GRM7: variants seen among roughly 807,000 people sequenced by gnomAD.
The protein encoded by GRM7 is metabotropic glutamate receptor 7.
In GRM7, 35 loss-of-function variants were observed where a neutral mutation model predicts 84.5. That is an observed-to-expected ratio of 0.41 (90% CI 0.32 to 0.55). The LOEUF is 0.55. Ranked by LOEUF, GRM7 falls within the 20% of genes least tolerant of loss-of-function variation. The pLI is 0.19. For synonymous variants in GRM7, 487 were observed against 455.1 expected (o/e 1.07, Z -0.89); for missense variants, 1,003 against 1,194.6 (o/e 0.84, Z 2.36).
At chr3:7,504,492 G>T (rs1699980291) in intron 7 of GRM7, among the ~76,000 whole-genome samples, 1 of 152,166 alleles carries the variant, frequency 6.6e-6, no homozygotes, top group Non-Finnish European at 1.5e-5. Context: ...ATAAAGAAAA[G>T]AAGTTTATTT....
At chr3:7,519,041 A>G (rs1200492896) in intron 7 of GRM7, among the ~76,000 whole-genome samples, 1 of 152,206 alleles carries the variant, frequency 6.6e-6, no homozygotes, top group Non-Finnish European at 1.5e-5. Context: ...TCAATTTTGC[A>G]TTTGAGGAAA....
At chr3:7,672,531 T>G (rs1699958927) in intron 8 of GRM7, among the ~76,000 whole-genome samples, 1 of 152,102 alleles carries the variant, frequency 6.6e-6, no homozygotes, top group Admixed American at 6.5e-5. Flanking sequence ...AACTGTCACC[T>G]GGGAACATAC....
rs556788229 is a variant in GRM7, at chr3:6,926,237, C to T, written c.519+64330C>T. On this transcript the variant is annotated intron_variant, in intron 1 of 9. Coordinates refer to ENST00000357716, the MANE Select transcript of GRM7 (RefSeq NM_000844.4). ...CTCATTAGCTAAAGACAAGCCCTTT[C>T]AGATTCTTTCATATCCATTGATCTA... Among the ~76,000 whole-genome samples, 7 of 152,312 alleles carry T rather than the reference C, an allele frequency of 4.6e-5. No homozygotes were observed. The East Asian group carries it at 5.8e-4, about 13-fold the overall frequency.
At chr3:7,484,001 C>T (rs1699230314) in intron 7 of GRM7, among the ~76,000 whole-genome samples, 1 of 151,962 alleles carries the variant, frequency 6.6e-6, no homozygotes, top group African/African-American at 2.4e-5. Flanking sequence ...ATTGAATATG[C>T]TTCTGTTAAA....
chr3:7,132,608 A>G (rs1339918323), intron 1 of GRM7, among the ~76,000 whole-genome samples: 2 of 152,242 alleles, frequency 1.3e-5, no homozygotes, highest in Admixed American at 1.3e-4. Context: ...GAAAGAAAGC[A>G]TAGCTTACCT....
intron 1 of GRM7, among the ~76,000 whole-genome samples, chr3:7,092,007 T>TTTTA (rs1698682077): frequency 6.6e-6 from 1 of 151,872 alleles, no homozygotes; most frequent in Admixed American, 6.6e-5. Flanking sequence ...TTATTTATTA[T>TTTTA]TTATTTATTT....
At chr3:7,147,633 T>G (rs1173575723) in intron 2 of GRM7, among the ~76,000 whole-genome samples, 2 of 152,116 alleles carry the variant, frequency 1.3e-5, no homozygotes, top group Admixed American at 1.3e-4. Context: ...ACAGATATAC[T>G]CAGAAATAAA....
In GRM7 at chr3:7,664,096, T is replaced by A. The variant is rs558675379; in HGVS notation, c.2452-15953T>A. ...ACACCCTATAATTACCCTGCCAAAC[T>A]TTCCAGAATCTACAAGGGTATGTAA... On this transcript the variant is annotated intron_variant, in intron 8 of 9. Transcript: ENST00000357716. Among the ~76,000 whole-genome samples, 63 of 152,298 alleles carry A rather than the reference T, an allele frequency of 4.1e-4. No individual in the cohort carries two copies. In the Middle Eastern group the frequency reaches 0.014, roughly 33 times the overall value.
chr3:7,104,552 T>C (rs1699232728), intron 1 of GRM7, among the ~76,000 whole-genome samples: 1 of 151,852 alleles, frequency 6.6e-6, no homozygotes, highest in South Asian at 2.1e-4. Context: ...CTTGGTGACT[T>C]CACATCATAA....
At chr3:7,309,397 G>C (rs1404034113) in intron 4 of GRM7, among the ~76,000 whole-genome samples, 1 of 152,018 alleles carries the variant, frequency 6.6e-6, no homozygotes, top group African/African-American at 2.4e-5. Flanking sequence ...TTTCTTGTTT[G>C]TTTCCTTTTA....
chr3:7,506,463 C>T (rs779729), intron 7 of GRM7, among the ~76,000 whole-genome samples: 243 of 152,298 alleles, frequency 1.6e-3, no homozygotes, highest in Non-Finnish European at 3.0e-3. Context: ...TTACCCAGTT[C>T]CAAAGCCATG....
intron 9 of GRM7, chr3:7,694,288 G>A (rs564770266): frequency 3.2e-5 from 6 of 185,636 alleles, no homozygotes; most frequent in Admixed American, 2.0e-4. Context: ...CACAACAGCC[G>A]TTCAAATGTT....
At chr3:7,066,060 T>C (rs11920813) in intron 1 of GRM7, among the ~76,000 whole-genome samples, 16,554 of 151,330 alleles carry the variant, frequency 0.11, 1,212 homozygotes, top group African/African-American at 0.21. Flanking sequence ...GCCCTAAACG[T>C]CTACATCAAA....
At chr3:7,173,300 T>A (rs2125090008) in intron 2 of GRM7, among the ~76,000 whole-genome samples, 1 of 152,322 alleles carries the variant, frequency 6.6e-6, no homozygotes, top group Non-Finnish European at 1.5e-5. Flanking sequence ...CTTCTCTCCA[T>A]TTCTGCTGCC....
chr3:7,534,340 A>AACCTC (rs1190449145), intron 7 of GRM7, among the ~76,000 whole-genome samples: 1 of 152,148 alleles, frequency 6.6e-6, no homozygotes, highest in Non-Finnish European at 1.5e-5. Context: ...TTAAATATAC[A>AACCTC]ACCTCATTGA....
intron 9 of GRM7, among the ~76,000 whole-genome samples, chr3:7,716,354 C>T (rs1701769267): frequency 1.3e-5 from 2 of 152,200 alleles, no homozygotes; most frequent in Admixed American, 1.3e-4. Context: ...TTAGTGCCCT[C>T]ATTTCCCTTT....
chr3:6,959,455 T>A (rs534847899), intron 1 of GRM7, among the ~76,000 whole-genome samples: 51 of 152,290 alleles, frequency 3.3e-4, no homozygotes, highest in African/African-American at 1.2e-3. Flanking sequence ...TCCCTAATCA[T>A]GGAAAATAAA....
chr3:6,897,677 A>G (rs1026945771), intron 1 of GRM7, among the ~76,000 whole-genome samples: 1 of 152,240 alleles, frequency 6.6e-6, no homozygotes, highest in Non-Finnish European at 1.5e-5. Context: ...GACACATTTC[A>G]CATAAAGGTA....
chr3:7,471,407 T>C (rs1385727222), intron 7 of GRM7, among the ~76,000 whole-genome samples: 2 of 152,120 alleles, frequency 1.3e-5, no homozygotes, highest in African/African-American at 4.8e-5. Flanking sequence ...AATTTAGTCC[T>C]GTTTGGTTTT....
Sources: gnomAD v4.1 joint callset for allele counts (sites outside exome capture counted in the v4.1 genomes callset) on GRCh38, gnomAD v4.1.1 for gene constraint, MANE v1.5 for transcripts, NCBI Gene and HGNC (gene_info 2026-07-23, HGNC 2026-07-21) for gene names.